Variants in LRP1B observed in about 807,000 individuals in gnomAD.
LRP1B encodes the protein low-density lipoprotein receptor-related protein 1B.
In LRP1B, 217 loss-of-function variants were observed where a neutral mutation model predicts 556.6. That is an observed-to-expected ratio of 0.39 (90% CI 0.35 to 0.44). The LOEUF is 0.44. LRP1B is among the 20% of genes least tolerant of loss of function. The pLI is 1.00. For missense variants in LRP1B, 5,053 were observed against 5,620.8 expected (o/e 0.90, Z 3.23); for synonymous variants, 2,047 against 1,865.8 (o/e 1.10, Z -2.50).
At chr2:140,823,693 T>C (rs999907526) in intron 31 of LRP1B, among the ~76,000 whole-genome samples, 2 of 151,598 alleles carry the variant, frequency 1.3e-5, no homozygotes, top group African/African-American at 4.8e-5. Context: ...CTATATTAAA[T>C]ATAGTTTATA....
intron 2 of LRP1B, among the ~76,000 whole-genome samples, chr2:141,718,275 A>G (rs753002212): frequency 1.2e-4 from 18 of 152,056 alleles, no homozygotes; most frequent in Non-Finnish European, 1.6e-4. Context: ...CATTTTTTTC[A>G]TGACCTACCT....
At chr2:140,314,142 T>C (rs1341302541) in intron 83 of LRP1B, among the ~76,000 whole-genome samples, 1 of 151,940 alleles carries the variant, frequency 6.6e-6, no homozygotes, top group Non-Finnish European at 1.5e-5. Context: ...GAAAATAATA[T>C]AGAATTTTCC....
chr2:141,619,096 T>G (rs1300625463), intron 2 of LRP1B, among the ~76,000 whole-genome samples: 1 of 152,180 alleles, frequency 6.6e-6, no homozygotes, highest in Non-Finnish European at 1.5e-5. Context: ...TAGTGCTTCC[T>G]ATCCTGTTTG....
At chr2:141,468,570 C>A (rs1346346940) in intron 3 of LRP1B, among the ~76,000 whole-genome samples, 2 of 151,928 alleles carry the variant, frequency 1.3e-5, no homozygotes, top group East Asian at 3.9e-4. Context: ...TTTACATATA[C>A]CATTTAGAAT....
chr2:141,862,249 T>C (rs1013784353), intron 1 of LRP1B, among the ~76,000 whole-genome samples: 14 of 152,132 alleles, frequency 9.2e-5, no homozygotes, highest in African/African-American at 3.4e-4. Context: ...CCCTCTAATT[T>C]CTCCACAGAA....
intron 47 of LRP1B, among the ~76,000 whole-genome samples, chr2:140,528,947 A>T (rs546031828): frequency 3.8e-4 from 58 of 152,184 alleles, no homozygotes; most frequent in Non-Finnish European, 7.2e-4. Flanking sequence ...GAAGAAAGAT[A>T]CTGAAATCTC....
At chr2:141,779,173 A>G (rs1233152516) in intron 2 of LRP1B, among the ~76,000 whole-genome samples, 2 of 152,120 alleles carry the variant, frequency 1.3e-5, no homozygotes, top group East Asian at 3.9e-4. Flanking sequence ...ATGTGGATTA[A>G]TTCCTTAACT....
intron 7 of LRP1B, among the ~76,000 whole-genome samples, chr2:141,103,015 T>C (rs1038740878): frequency 2.0e-5 from 3 of 152,148 alleles, no homozygotes; most frequent in African/African-American, 7.2e-5. Flanking sequence ...GAGGCAATTC[T>C]ATTTTTATCA....
chr2:141,775,791 T>C (rs1334529692), intron 2 of LRP1B, among the ~76,000 whole-genome samples: 1 of 151,972 alleles, frequency 6.6e-6, no homozygotes, highest in Non-Finnish European at 1.5e-5. Flanking sequence ...TATTTTAATA[T>C]AGAATTGAGA....
At chr2:141,555,779 T>C (rs1359121887) in intron 2 of LRP1B, among the ~76,000 whole-genome samples, 1 of 151,808 alleles carries the variant, frequency 6.6e-6, no homozygotes, top group Non-Finnish European at 1.5e-5. Flanking sequence ...GCACTGTATT[T>C]TATATATATT....
intron 1 of LRP1B, among the ~76,000 whole-genome samples, chr2:142,081,856 C>T (rs1705731277): frequency 6.6e-6 from 1 of 152,234 alleles, no homozygotes; most frequent in East Asian, 1.9e-4. Context: ...CCACTTAATC[C>T]TTATAACTAT....
At chr2:141,566,478 G>T (rs536615066) in intron 2 of LRP1B, among the ~76,000 whole-genome samples, 125 of 152,268 alleles carry the variant, frequency 8.2e-4, no homozygotes, top group African/African-American at 2.7e-3. Context: ...GAATGATGGT[G>T]AACTGTATAT....
chr2:141,440,777 T>C (rs1042892305), intron 3 of LRP1B, among the ~76,000 whole-genome samples: 3 of 152,216 alleles, frequency 2.0e-5, no homozygotes, highest in Non-Finnish European at 4.4e-5. Context: ...ACTGGGTCTC[T>C]AAATATTCCG....
In LRP1B at chr2:140,541,872, T is replaced by C. The variant is rs539043900; in HGVS notation, c.7294A>G (p.Asn2432Asp). ...DWGRRAILRS[N>D]KYTGGDTKIL... Reference sequence around the variant, plus strand: ...TTTGTATCTCCTCCTGTGTACTTGTTGGACCGCAGTATAGCTCTTCTTCCC... The same window carrying C: ...TTTGTATCTCCTCCTGTGTACTTGTCGGACCGCAGTATAGCTCTTCTTCCC... The change falls in exon 44 of 91, where the codon AAC becomes GAC. Residue 2432 changes from asparagine (N) to aspartate (D), a missense_variant. Physicochemically the swap from Asn to Asp is conservative, Grantham distance 23 (BLOSUM62 1). Around this residue, in one of 5 missense-constraint regions of LRP1B, gnomAD observed 3,619 missense variants for 3,931.9 expected, o/e 0.92. Coordinates refer to ENST00000389484, the MANE Select transcript of LRP1B (RefSeq NM_018557.3). The C allele has an allele frequency of 5.0e-6, 8 of 1,613,028 alleles. No homozygotes were observed. The highest frequency in any genetic ancestry group is 5.9e-6 in the Non-Finnish European group (7 of 1,179,224).
chr2:140,645,533 C>CTTTTTTTTTTTTTTT (rs36082249), intron 41 of LRP1B, among the ~76,000 whole-genome samples: 2 of 81,230 alleles, frequency 2.5e-5, no homozygotes, highest in African/African-American at 5.6e-5. Flanking sequence ...TGCCAATATT[C>CTTTTTTTTTTTTTTT]TTTTTTTTTT....
intron 1 of LRP1B, among the ~76,000 whole-genome samples, chr2:141,942,415 T>C (rs10179103): frequency 0.86 from 130,588 of 151,714 alleles, 56,371 homozygotes; most frequent in East Asian, 1. Context: ...TTGCCAATAA[T>C]TGCACTTCCT....
At chr2:140,666,903 A>G (rs1685296343) in intron 41 of LRP1B, among the ~76,000 whole-genome samples, 1 of 152,206 alleles carries the variant, frequency 6.6e-6, no homozygotes, top group African/African-American at 2.4e-5. Flanking sequence ...GCTAGCACAC[A>G]TTCTCCCTAA....
At chr2:141,681,272 G>A (rs996394941) in intron 2 of LRP1B, among the ~76,000 whole-genome samples, 1 of 152,022 alleles carries the variant, frequency 6.6e-6, no homozygotes, top group African/African-American at 2.4e-5. Flanking sequence ...CAGCCTGGGT[G>A]ACGGAGCAAG....
intron 7 of LRP1B, among the ~76,000 whole-genome samples, chr2:141,101,172 T>C (rs6746901): frequency 0.36 from 55,170 of 151,962 alleles, 10,488 homozygotes; most frequent in East Asian, 0.66. Flanking sequence ...ATCATGACAT[T>C]GTCGGAGACA....
Sources: allele counts gnomAD v4.1 joint callset (sites outside exome capture counted in the v4.1 genomes callset), GRCh38; gene constraint gnomAD v4.1.1; regional missense constraint gnomAD v4.1.1; transcripts MANE v1.5; gene names NCBI Gene and HGNC (gene_info 2026-07-23, HGNC 2026-07-21).